TBCD: variants seen among roughly 807,000 people sequenced by gnomAD.
TBCD encodes tubulin folding cofactor D, also known as tubulin-specific chaperone D.
Under a neutral mutation model 169.3 loss-of-function variants are expected in TBCD, and 105 were observed. That is an observed-to-expected ratio of 0.62 (90% CI 0.53 to 0.73). The LOEUF (loss-of-function observed/expected upper bound fraction) is 0.73. TBCD is among the 30% of genes least tolerant of loss of function. The probability of loss-of-function intolerance (pLI) is 0.00; values close to 1 mark genes in which losing one functional copy is unlikely to be tolerated. For missense variants in TBCD, 1,444 were observed against 1,600.1 expected, an observed-to-expected ratio of 0.90 and a Z score of 1.66; for synonymous variants, 700 against 643.9, an observed-to-expected ratio of 1.09 and a Z score of -1.32.
intron 13 of TBCD, among the ~76,000 whole-genome samples, chr17:82,860,690 G>T (rs559988248): frequency 7.9e-5 from 12 of 152,304 alleles, no homozygotes; most frequent in African/African-American, 2.9e-4. Context: ...GTCCTTGTGT[G>T]CTGTGTTTGC....
At chr17:82,936,379 C>T (rs1007849409) in intron 34 of TBCD, among the ~76,000 whole-genome samples, 2 of 151,360 alleles carry the variant, frequency 1.3e-5, no homozygotes, top group Non-Finnish European at 2.9e-5. Flanking sequence ...CCGTTCCCTG[C>T]GGCCCTTCCT....
At chr17:82,941,018 C>T (rs2063178804) in intron 37 of TBCD, among the ~76,000 whole-genome samples, 1 of 152,170 alleles carries the variant, frequency 6.6e-6, no homozygotes, top group Non-Finnish European at 1.5e-5. Flanking sequence ...AAAAACATGC[C>T]CCAGATATCT....
chr17:82,832,059 G>C lies in TBCD; in HGVS notation c.1318+17125G>C. The C allele has an allele frequency of 6.2e-7, 1 of 1,613,966 alleles. No individual in the cohort carries two copies. The highest frequency in any genetic ancestry group is 8.5e-7 in the Non-Finnish European group (1 of 1,179,848). On this transcript the variant is annotated intron_variant, in intron 13 of 38. Coordinates refer to ENST00000355528, the MANE Select transcript of TBCD (RefSeq NM_005993.5). This position sits in a 1 kb window ranked among gnomAD's most constrained non-coding sequence, Gnocchi z 4.9. ...GGCTCTTGCAGGGTGATGCCCTGTG[G>C]AGGGCTGGCTTCTGTCCCAGGCACC...
At chr17:82,924,387 T>C (rs1205757590) in intron 26 of TBCD, among the ~76,000 whole-genome samples, 1 of 152,260 alleles carries the variant, frequency 6.6e-6, no homozygotes, top group African/African-American at 2.4e-5. Context: ...CGTGCGTAGC[T>C]GCTGTGCCGC....
intron 14 of TBCD, among the ~76,000 whole-genome samples, chr17:82,877,484 T>C (rs145981395): frequency 2.6e-5 from 4 of 152,144 alleles, no homozygotes; most frequent in African/African-American, 9.6e-5. Flanking sequence ...GGATTACAGG[T>C]GCGCATCACC....
intron 34 of TBCD, among the ~76,000 whole-genome samples, chr17:82,935,419 C>T (rs1204446610): frequency 6.6e-6 from 1 of 152,146 alleles, no homozygotes; most frequent in East Asian, 1.9e-4. Context: ...TTATAATCCC[C>T]TTGGTTCTCA....
In TBCD at chr17:82,766,330, T is replaced by G; in HGVS notation, c.397T>G (p.Leu133Val). The G allele has an allele frequency of 6.2e-7, 1 of 1,613,430 alleles. No individual in the cohort carries two copies. The highest frequency in any genetic ancestry group is 8.5e-7 in the Non-Finnish European group (1 of 1,179,690). ...TGAAGTTGCCGATGTAGAGCCTGTTTTAGATTTGGTCACAATTCAGAATCC... is the reference window on the plus strand; with the variant it reads ...TGAAGTTGCCGATGTAGAGCCTGTTGTAGATTTGGTCACAATTCAGAATCC... ...PHEVADVEPV[L>V]DLVTIQNPKD... Residue 133 changes from leucine to valine, a missense_variant, in exon 4 of 39, where the codon TTA becomes GTA. Leu to Val is a conservative substitution (Grantham distance 32). Coordinates refer to ENST00000355528, the MANE Select transcript of TBCD (RefSeq NM_005993.5).
Position 82,832,726 on chromosome 17 carries a change from T to A in TBCD, c.1318+17792T>A, listed in dbSNP as rs1219264721. 2 of 521,984 alleles carry A rather than the reference T, an allele frequency of 3.8e-6. No homozygotes were observed. Among genetic ancestry groups the A allele is most frequent in the Admixed American group, 3.2e-5 (1 of 31,286 alleles). The allele number at this position is 521,984 out of a possible 1,614,324, so 32.3% of individuals were successfully genotyped here. A position where few individuals can be genotyped will look rare whatever the true frequency, so the allele number is the denominator to read the frequency against. On this transcript the variant is annotated intron_variant, in intron 13 of 38. Transcript: ENST00000355528. This position sits in a 1 kb window ranked among gnomAD's most constrained non-coding sequence, Gnocchi z 4.9. ...GCTCGCCACAGTGCCACAGGATCCC[T>A]GAAGCAGAACCCCTGAAGGGCTGAA...
chr17:82,781,796 C>T (rs2048964860), intron 7 of TBCD, 75 bp downstream of exon 7: 1 of 1,572,616 alleles, frequency 6.4e-7, no homozygotes. Context: ...AATGATGTTA[C>T]CTGTGATTCC....
chr17:82,772,999 C>A (rs1007644688), intron 6 of TBCD, among the ~76,000 whole-genome samples: 6 of 152,148 alleles, frequency 3.9e-5, no homozygotes, highest in Non-Finnish European at 7.4e-5. Flanking sequence ...GGAAAGATAC[C>A]AAGGATGTGT....
At chr17:82,901,278 G>A (rs4986134) in intron 18 of TBCD, among the ~76,000 whole-genome samples, 77,495 of 152,142 alleles carry the variant, frequency 0.51, 20,864 homozygotes, top group East Asian at 0.71. Context: ...CCCTGAGGAG[G>A]TCAGAGGGTC....
At chr17:82,868,496 G>C (rs2057341303) in intron 13 of TBCD, among the ~76,000 whole-genome samples, 1 of 152,098 alleles carries the variant, frequency 6.6e-6, no homozygotes, top group Admixed American at 6.5e-5. Context: ...TTGATACCAC[G>C]GTATCTTTGA....
rs1288323441 is a variant in TBCD, at chr17:82,864,951, C to T, written c.1319-5273C>T. On this transcript the variant is annotated intron_variant, in intron 13 of 38. Coordinates refer to ENST00000355528, the MANE Select transcript of TBCD (RefSeq NM_005993.5). The surrounding 1 kb of genome is among the most constrained non-coding windows in gnomAD (Gnocchi z 6.3). Reference sequence around the variant, plus strand: ...TGTTGGGGGTGGGGCTCCTTGCCCCCCAAGGGCAGGCCGAGCACCAAGTCT... The same window carrying T: ...TGTTGGGGGTGGGGCTCCTTGCCCCTCAAGGGCAGGCCGAGCACCAAGTCT... 6.6e-6 allele frequency among the ~76,000 whole-genome samples: 1 copy of T among 151,754 alleles called. No individual in the cohort carries two copies. The highest frequency in any genetic ancestry group is 1.5e-5 in the Non-Finnish European group (1 of 67,926).
chr17:82,851,542 C>T (rs2055789670), intron 13 of TBCD, among the ~76,000 whole-genome samples: 1 of 152,192 alleles, frequency 6.6e-6, no homozygotes, highest in African/African-American at 2.4e-5. Context: ...CTCTCTGGCC[C>T]TGGCAGGAAT....
chr17:82,920,078 G>C lies in TBCD; in HGVS notation c.2039-478G>C, dbSNP rs1270913896. On this transcript the variant is annotated intron_variant, in intron 23 of 38. Coordinates refer to ENST00000355528, the MANE Select transcript of TBCD (RefSeq NM_005993.5). The surrounding 1 kb of genome is among the most constrained non-coding windows in gnomAD (Gnocchi z 4.1). ...GTCCTGGCCCCCTCGTGGCTGGTCA[G>C]GGCCACGTTTCTGGTCATGGAGAGT... Among the ~76,000 whole-genome samples, 1 of 152,180 alleles carries C rather than the reference G, an allele frequency of 6.6e-6. No homozygotes were observed. Among genetic ancestry groups the C allele is most frequent in the Non-Finnish European group, 1.5e-5 (1 of 68,028 alleles).
At position 82,844,564 on chromosome 17, in the gene TBCD, A is replaced by T. The variant is rs942047377; in HGVS notation, c.1319-25660A>T. ...AGTCTGAGTTGCCTCCCTCCAGGGG[A>T]GGGCTGGGCTTCTTGGTCTGAGGCA... On this transcript the variant is annotated intron_variant, in intron 13 of 38. Transcript: ENST00000355528. Among the ~76,000 whole-genome samples, 3 of 151,780 alleles carry T rather than the reference A, an allele frequency of 2.0e-5. No homozygotes were observed. The East Asian group carries it at 5.8e-4, about 29-fold the overall frequency.
rs2060547359 is a variant in TBCD at position 82,910,401 on chromosome 17, AGTTTTTT to A, written c.2006+1096_2006+1102del. On this transcript the variant is annotated intron_variant, in intron 22 of 38. Transcript: ENST00000355528. ...CGAAGCATTCCTGGGTCTTTCGTGA[AGTTTTTT>A]GCTCATTAAAAAGTTCAGACTTTTT... Among the ~76,000 whole-genome samples the A allele has an allele frequency of 3.9e-5, 6 of 152,276 alleles. No homozygotes were observed. The South Asian group carries it at 1.2e-3, about 32-fold the overall frequency.
intron 36 of TBCD, chr17:82,939,018 C>T (rs72861576): frequency 4.8e-5 from 15 of 309,648 alleles, no homozygotes; most frequent in Middle Eastern, 1.0e-3. Flanking sequence ...TAATAGCAGG[C>T]GAGATTGCTT....
chr17:82,852,158 C>T (rs976038196), intron 13 of TBCD, among the ~76,000 whole-genome samples: 3 of 130,268 alleles, frequency 2.3e-5, no homozygotes, highest in Non-Finnish European at 4.8e-5. Flanking sequence ...GATGGATAAA[C>T]CCCCCCTCCT....
Sources: allele counts gnomAD v4.1 joint callset (sites outside exome capture counted in the v4.1 genomes callset), GRCh38; gene constraint gnomAD v4.1.1; non-coding constraint Gnocchi (gnomAD v3.1); transcripts MANE v1.5; gene names NCBI Gene and HGNC (gene_info 2026-07-23, HGNC 2026-07-21).